The following CBX7 variants were observed in gnomAD, a reference collection of about 807,000 sequenced individuals.
CBX7 encodes the protein chromobox protein homolog 7.
In CBX7, 14 loss-of-function variants were observed where a neutral mutation model predicts 31.4. That is an observed-to-expected ratio of 0.45 (90% CI 0.29 to 0.70). The LOEUF (loss-of-function observed/expected upper bound fraction) is 0.70. Among genes scored for constraint, CBX7 ranks in the 30% least tolerant of loss-of-function variants. The pLI is 0.11. For missense variants in CBX7, 269 were observed against 351.9 expected (o/e 0.76, Z 1.89); for synonymous variants, 159 against 152.6 (o/e 1.04, Z -0.31).
In CBX7 at chr22:39,152,531, T is replaced by G; in HGVS notation, c.-87A>C. The G allele has an allele frequency of 1.8e-6, 1 of 546,972 alleles. No homozygotes were observed. 33.9% of individuals were successfully genotyped at this position (546,972 alleles called of 1,614,324 possible). A position where few individuals can be genotyped will look rare whatever the true frequency, so the allele number is the denominator to read the frequency against. ...CGGCTGCGGCGCGCGATGCTGGGGC[T>G]GGCGGGGTCCCCGTCACCCTCGTCC... On this transcript the variant is annotated 5_prime_UTR_variant, in exon 1 of 6. Coordinates refer to ENST00000216133, the MANE Select transcript of CBX7 (RefSeq NM_175709.5). The surrounding 1 kb of genome is among the most constrained non-coding windows in gnomAD (Gnocchi z 4.9).
At chr22:39,146,534 T>C (rs1260603922) in intron 2 of CBX7, among the ~76,000 whole-genome samples, 2 of 152,238 alleles carry the variant, frequency 1.3e-5, no homozygotes, top group Admixed American at 6.5e-5. Flanking sequence ...CTCACTGAAC[T>C]GGCCAAAAGG....
intron 4 of CBX7, 56 bp from the exon 5 acceptor site, chr22:39,134,808 C>T: frequency 8.8e-7 from 1 of 1,136,120 alleles, no homozygotes; most frequent in South Asian, 1.6e-5. Context: ...CCCGCCACAC[C>T]TTTGCTCATG....
chr22:39,139,618 G>C (rs1930378684), intron 3 of CBX7, among the ~76,000 whole-genome samples: 1 of 150,302 alleles, frequency 6.7e-6, no homozygotes. Context: ...CAGGAGAATG[G>C]TGTGAACCTG....
chr22:39,144,382 G>A (rs562261121), intron 2 of CBX7, among the ~76,000 whole-genome samples: 1 of 152,246 alleles, frequency 6.6e-6, no homozygotes, highest in South Asian at 2.1e-4. Context: ...TCCCTCCCAG[G>A]CTGTCCCACT....
chr22:39,134,896 AC>A, intron 4 of CBX7, 144 bp from the exon 5 acceptor site: 1 of 606,426 alleles, frequency 1.6e-6, no homozygotes, highest in Non-Finnish European at 2.8e-6. Flanking sequence ...GCTGGCCATC[AC>A]CCCACCCCAC....
At position 39,152,540 on chromosome 22, in the gene CBX7, C is replaced by G. The variant is rs1171859990; in HGVS notation, c.-96G>C. On this transcript the variant is annotated 5_prime_UTR_variant, in exon 1 of 6. Transcript: ENST00000216133. This position sits in a 1 kb window ranked among gnomAD's most constrained non-coding sequence, Gnocchi z 4.9. ...CGCGCGATGCTGGGGCTGGCGGGGT[C>G]CCCGTCACCCTCGTCCGGGCGCGCA... 1 of 448,568 alleles carries G rather than the reference C, an allele frequency of 2.2e-6. No individual in the cohort carries two copies. Among genetic ancestry groups the G allele is most frequent in the African/African-American group, 2.1e-5 (1 of 46,704 alleles). The allele number at this position is 448,568 out of a possible 1,614,324, so 27.8% of individuals were successfully genotyped here. A position where few individuals can be genotyped will look rare whatever the true frequency, so the allele number is the denominator to read the frequency against.
At chr22:39,146,091 G>A (rs1194006827) in intron 2 of CBX7, among the ~76,000 whole-genome samples, 1 of 152,218 alleles carries the variant, frequency 6.6e-6, no homozygotes, top group Non-Finnish European at 1.5e-5. Context: ...ACGGGCTCTG[G>A]TCCAGACTGC....
rs867680392 is a variant in CBX7, at chr22:39,137,910, G to A, written c.246+726C>T. Among the ~76,000 whole-genome samples, 106 of 152,244 alleles carry A rather than the reference G, an allele frequency of 7.0e-4. 2 individuals are homozygous for A. In the Middle Eastern group the frequency reaches 0.021, roughly 30 times the overall value. On this transcript the variant is annotated intron_variant, in intron 4 of 5. Transcript: ENST00000216133. ...TAAGATTCTGTTTCTGGCTGGGCGC[G>A]GTGGCTCACGCCTGTAATCCCAGCA...
intron 2 of CBX7, chr22:39,149,542 C>G: frequency 1.8e-6 from 1 of 554,608 alleles, no homozygotes; most frequent in Non-Finnish European, 3.2e-6. Context: ...GCAGAAGCTC[C>G]AACTAGCAGA....
At chr22:39,138,510 T>C in intron 4 of CBX7, 126 bp downstream of exon 4, 1 of 870,334 alleles carries the variant, frequency 1.1e-6, no homozygotes, top group Non-Finnish European at 1.9e-6. Flanking sequence ...CACCCCACAG[T>C]GCCCTGGGTG....
rs1338785600 is a variant in CBX7, at chr22:39,152,363, C to A, written c.69+13G>T. On this transcript the variant is annotated intron_variant, in intron 1 of 5. Transcript: ENST00000216133. The surrounding 1 kb of genome is among the most constrained non-coding windows in gnomAD (Gnocchi z 4.9). ...CCACTGGGGTCCTGGGAGCCGCCCC[C>A]GGGCAGCCTCACCTTCCGCACGCGC... The A allele has an allele frequency of 7.2e-7, 1 of 1,384,286 alleles. No individual in the cohort carries two copies. Among genetic ancestry groups the A allele is most frequent in the South Asian group, 1.6e-5 (1 of 64,098 alleles). 85.8% of individuals were successfully genotyped at this position (1,384,286 alleles called of 1,614,324 possible).
intron 4 of CBX7, 101 bp downstream of exon 4, chr22:39,138,535 A>T: frequency 9.1e-7 from 1 of 1,099,506 alleles, no homozygotes; most frequent in South Asian, 1.2e-5. Flanking sequence ...AGGCGAGGGG[A>T]CACAGATCAG....
Position 39,134,649 on chromosome 22 carries a change from A to C in CBX7, c.350T>G (p.Val117Gly). ...CAGCTCAGGTGCCCCCGCCTTGACCACCCCCTCAGGGCTCCCGCTGCCGAG... is the reference window on the plus strand; with the variant it reads ...CAGCTCAGGTGCCCCCGCCTTGACCCCCCCCTCAGGGCTCCCGCTGCCGAG... ...CPLGSGSPEG[V>G]VKAGAPELVD... is the part of the protein sequence containing the mutation. The change falls in exon 5 of 6, where the codon GTG becomes GGG. Residue 117 changes from valine (V) to glycine (G), a missense_variant. By Grantham distance (109) the Val-to-Gly change is moderately radical. Around this residue, in one of 2 missense-constraint regions of CBX7, gnomAD observed 222 missense variants for 240.4 expected, o/e 0.92. Coordinates refer to ENST00000216133, the MANE Select transcript of CBX7 (RefSeq NM_175709.5). 6.3e-7 allele frequency: 1 copy of C among 1,587,170 alleles called. No homozygotes were observed. Among genetic ancestry groups the C allele is most frequent in the Non-Finnish European group, 8.6e-7 (1 of 1,166,664 alleles).
chr22:39,146,547 A>G (rs1291098636), intron 2 of CBX7, among the ~76,000 whole-genome samples: 1 of 152,280 alleles, frequency 6.6e-6, no homozygotes, highest in Non-Finnish European at 1.5e-5. Flanking sequence ...CCAAAAGGCC[A>G]GCAGGCAAGA....
chr22:39,151,719 C>G (rs1484179726), intron 1 of CBX7, among the ~76,000 whole-genome samples: 1 of 152,172 alleles, frequency 6.6e-6, no homozygotes, highest in Non-Finnish European at 1.5e-5. Flanking sequence ...GGTTCTGAAA[C>G]CAGCAGAACA....
At chr22:39,150,942 C>T (rs543595576) in intron 1 of CBX7, among the ~76,000 whole-genome samples, 1 of 152,344 alleles carries the variant, frequency 6.6e-6, no homozygotes, top group African/African-American at 2.4e-5. Flanking sequence ...ACAGCTCCAT[C>T]TGAAGGCATC....
intron 5 of CBX7, 174 bp downstream of exon 5, chr22:39,134,227 G>T: frequency 1.2e-6 from 1 of 855,390 alleles, no homozygotes. Context: ...CTAGACAAGA[G>T]CTCAGCCAGA....
chr22:39,141,676 G>T (rs1235122830), intron 2 of CBX7, among the ~76,000 whole-genome samples: 2 of 151,670 alleles, frequency 1.3e-5, no homozygotes, highest in Non-Finnish European at 2.9e-5. Context: ...TTGAACCCAA[G>T]AGGCAGACGT....
At chr22:39,138,885 C>T (rs1338629478) in intron 3 of CBX7, among the ~76,000 whole-genome samples, 183 bp from the exon 4 acceptor site, 2 of 152,360 alleles carry the variant, frequency 1.3e-5, no homozygotes, top group East Asian at 3.9e-4. Context: ...GTTCAACTCC[C>T]AGGGCCAAGG....
Sources: allele counts gnomAD v4.1 joint callset (sites outside exome capture counted in the v4.1 genomes callset), GRCh38; gene constraint gnomAD v4.1.1; regional missense constraint gnomAD v4.1.1; non-coding constraint Gnocchi (gnomAD v3.1); transcripts MANE v1.5; gene names NCBI Gene and HGNC (gene_info 2026-07-23, HGNC 2026-07-21).